TAFA4: variants seen among roughly 807,000 people sequenced by gnomAD.
TAFA4 encodes TAFA chemokine like family member 4, also known as chemokine-like protein TAFA-4.
Under a neutral mutation model 21.1 loss-of-function variants are expected in TAFA4, and 20 were observed. The ratio of observed to expected loss-of-function variants is 0.95; its 90% CI spans 0.67 to 1.38. The LOEUF (loss-of-function observed/expected upper bound fraction) is 1.38, where lower values mean the gene tolerates loss of function less well. Ranked by LOEUF, TAFA4 falls within the 40% of genes most tolerant of loss-of-function variation. The pLI is 0.00. For missense variants in TAFA4, 211 were observed against 180.9 expected (o/e 1.17, Z -0.95); for synonymous variants, 71 against 67.4 (o/e 1.05, Z -0.26).
chr3:68,814,453 G>A (rs6805207), intron 3 of TAFA4, among the ~76,000 whole-genome samples: 96,245 of 151,946 alleles, frequency 0.63, 31,198 homozygotes, highest in East Asian at 0.98. Context: ...TAAGCTGATA[G>A]GCAACTTCAG....
chr3:68,808,448 T>C (rs1403161986), intron 3 of TAFA4, among the ~76,000 whole-genome samples: 1 of 152,220 alleles, frequency 6.6e-6, no homozygotes, highest in African/African-American at 2.4e-5. Flanking sequence ...TCTTCAAGTG[T>C]TGACTATCTA....
intron 1 of TAFA4, among the ~76,000 whole-genome samples, chr3:68,909,377 C>A (rs1356585059): frequency 6.6e-6 from 1 of 152,170 alleles, no homozygotes; most frequent in Non-Finnish European, 1.5e-5. Context: ...TCTATGAGGG[C>A]AGGACCTGTC....
In TAFA4 at chr3:68,932,520, G is replaced by C. The variant is rs1164205036; in HGVS notation, c.-403C>G. 6.6e-6 allele frequency: 1 copy of C among 152,136 alleles called. No individual in the cohort carries two copies. Among genetic ancestry groups the C allele is most frequent in the Non-Finnish European group, 1.5e-5 (1 of 68,050 alleles). 9.4% of individuals were successfully genotyped at this position (152,136 alleles called of 1,614,324 possible). Reference sequence around the variant, plus strand: ...GCCGCGCGCGCAGTCGGTGCGCCCCGTCCAGGGCGGCGCGCAGCTAGCAGT... The same window carrying C: ...GCCGCGCGCGCAGTCGGTGCGCCCCCTCCAGGGCGGCGCGCAGCTAGCAGT... On this transcript the variant is annotated 5_prime_UTR_variant, in exon 1 of 6. Transcript: ENST00000295569.
intron 3 of TAFA4, among the ~76,000 whole-genome samples, chr3:68,800,608 G>A (rs1458757129): frequency 6.6e-6 from 1 of 152,192 alleles, no homozygotes; most frequent in Admixed American, 6.5e-5. Flanking sequence ...CTTAGAGAGT[G>A]TGAGTTCTCT....
At chr3:68,923,890 C>T (rs2090082170) in intron 1 of TAFA4, among the ~76,000 whole-genome samples, 1 of 152,250 alleles carries the variant, frequency 6.6e-6, no homozygotes, top group South Asian at 2.1e-4. Context: ...GTTCATACTG[C>T]GTCCTTGCCA....
intron 3 of TAFA4, among the ~76,000 whole-genome samples, chr3:68,863,541 TGTG>T (rs1455351850): frequency 6.6e-6 from 1 of 152,170 alleles, no homozygotes; most frequent in Non-Finnish European, 1.5e-5. Flanking sequence ...GTCTATAGGC[TGTG>T]AACTTAAAAT....
intron 3 of TAFA4, among the ~76,000 whole-genome samples, chr3:68,865,603 A>T (rs1003420956): frequency 6.6e-6 from 1 of 152,100 alleles, no homozygotes; most frequent in African/African-American, 2.4e-5. Flanking sequence ...GAGTCGATTA[A>T]ACCTCTTTTT....
At chr3:68,770,741 C>T (rs1018687342) in intron 3 of TAFA4, among the ~76,000 whole-genome samples, 4 of 152,138 alleles carry the variant, frequency 2.6e-5, no homozygotes, top group African/African-American at 9.7e-5. Context: ...TTTTGTGCAA[C>T]CCATCTCTTA....
At chr3:68,800,939 G>A (rs1703565097) in intron 3 of TAFA4, among the ~76,000 whole-genome samples, 1 of 152,136 alleles carries the variant, frequency 6.6e-6, no homozygotes, top group Non-Finnish European at 1.5e-5. Context: ...AAAGCTGTGG[G>A]CAAGAGGCAG....
At chr3:68,798,110 C>T (rs75935789) in intron 3 of TAFA4, among the ~76,000 whole-genome samples, 2,798 of 152,222 alleles carry the variant, frequency 0.018, 66 homozygotes, top group African/African-American at 0.055. Flanking sequence ...AAAACCTAGA[C>T]GATCCTGTTT....
chr3:68,839,090 C>T (rs113317568), intron 3 of TAFA4, among the ~76,000 whole-genome samples: 19,457 of 152,144 alleles, frequency 0.13, 1,679 homozygotes, highest in African/African-American at 0.25. Context: ...AGAGCGAGAC[C>T]TTGTCTCAAA....
At chr3:68,756,363 A>G (rs1702659769) in intron 3 of TAFA4, among the ~76,000 whole-genome samples, 1 of 152,226 alleles carries the variant, frequency 6.6e-6, no homozygotes, top group Non-Finnish European at 1.5e-5. Context: ...ATCCATTTAC[A>G]TATAAATTGT....
chr3:68,816,438 G>C (rs1246289371), intron 3 of TAFA4, among the ~76,000 whole-genome samples: 2 of 152,110 alleles, frequency 1.3e-5, no homozygotes, highest in African/African-American at 4.8e-5. Flanking sequence ...TTATGTACTT[G>C]AGTAAATTTA....
At chr3:68,810,250 G>A (rs946773221) in intron 3 of TAFA4, among the ~76,000 whole-genome samples, 5 of 152,070 alleles carry the variant, frequency 3.3e-5, no homozygotes, top group African/African-American at 4.8e-5. Flanking sequence ...CATGAGAGAC[G>A]CAGAAGATGG....
intron 3 of TAFA4, among the ~76,000 whole-genome samples, chr3:68,854,146 A>T (rs1318855904): frequency 6.6e-6 from 1 of 152,118 alleles, no homozygotes; most frequent in African/African-American, 2.4e-5. Flanking sequence ...ACACCTAAAG[A>T]GATGACATTT....
intron 3 of TAFA4, among the ~76,000 whole-genome samples, chr3:68,771,627 A>G (rs1702959835): frequency 6.6e-6 from 1 of 152,238 alleles, no homozygotes; most frequent in Non-Finnish European, 1.5e-5. Context: ...CCACCCCTCC[A>G]AATTTATTTC....
intron 1 of TAFA4, among the ~76,000 whole-genome samples, chr3:68,926,045 A>G (rs2090105248): frequency 6.6e-6 from 1 of 152,182 alleles, no homozygotes; most frequent in Non-Finnish European, 1.5e-5. Flanking sequence ...CAGCCTGGTC[A>G]ACATGGTGAA....
At chr3:68,786,830 A>G (rs1703271097) in intron 3 of TAFA4, among the ~76,000 whole-genome samples, 1 of 152,222 alleles carries the variant, frequency 6.6e-6, no homozygotes, top group Non-Finnish European at 1.5e-5. Flanking sequence ...AGGATTTACA[A>G]TGGGTAGGTC....
At chr3:68,869,468 C>G (rs1382809981) in intron 3 of TAFA4, among the ~76,000 whole-genome samples, 2 of 152,002 alleles carry the variant, frequency 1.3e-5, no homozygotes, top group African/African-American at 4.8e-5. Flanking sequence ...CAACAAAACA[C>G]TGGAAAACAA....
Sources: allele counts gnomAD v4.1 joint callset (sites outside exome capture counted in the v4.1 genomes callset), GRCh38; gene constraint gnomAD v4.1.1; transcripts MANE v1.5; gene names NCBI Gene and HGNC (gene_info 2026-07-23, HGNC 2026-07-21).